The following CROT variants were observed in gnomAD, a reference collection of about 807,000 sequenced individuals.
CROT encodes carnitine O-octanoyltransferase, also known as peroxisomal carnitine O-octanoyltransferase.
CROT carries 84 observed loss-of-function variants against 89.2 expected under a neutral mutation model. The observed-to-expected ratio is 0.94, with a 90% CI of 0.79 to 1.13. The LOEUF is 1.13. Ranked by LOEUF, CROT falls within the 50% of genes most tolerant of loss-of-function variation. The pLI is 0.00. For synonymous variants in CROT, 212 were observed against 239.5 expected, an observed-to-expected ratio of 0.89 and a Z score of 1.06; for missense variants, 711 against 727.8, an observed-to-expected ratio of 0.98 and a Z score of 0.27.
intron 13 of CROT, 31 bp from the exon 14 acceptor site, chr7:87,391,558 T>C: frequency 1.3e-6 from 2 of 1,575,320 alleles, no homozygotes; most frequent in Non-Finnish European, 1.7e-6. Flanking sequence ...TTTTCTTTCT[T>C]ATGATACACT....
chr7:87,379,972 A>G (rs1211866392), intron 10 of CROT, among the ~76,000 whole-genome samples: 1 of 152,122 alleles, frequency 6.6e-6, no homozygotes. Flanking sequence ...TTAGTTGGGC[A>G]TGGTAATGCA....
intron 3 of CROT, among the ~76,000 whole-genome samples, chr7:87,352,543 C>T (rs1347174964): frequency 3.3e-5 from 5 of 152,182 alleles, no homozygotes; most frequent in Admixed American, 6.5e-5. Flanking sequence ...TTAATCTTGA[C>T]TTGTAGCAAT....
intron 17 of CROT, among the ~76,000 whole-genome samples, chr7:87,397,164 C>T (rs1195896265): frequency 6.6e-6 from 1 of 151,954 alleles, no homozygotes; most frequent in Non-Finnish European, 1.5e-5. Flanking sequence ...CCAGTCTGGC[C>T]AACATGGTGA....
intron 13 of CROT, among the ~76,000 whole-genome samples, chr7:87,384,159 T>G (rs1166788988): frequency 6.6e-6 from 1 of 152,188 alleles, no homozygotes; most frequent in Admixed American, 6.5e-5. Flanking sequence ...TTAATTTGCA[T>G]TTCCCGATGA....
At chr7:87,385,656 GA>G (rs1172707701) in intron 13 of CROT, among the ~76,000 whole-genome samples, 2 of 152,074 alleles carry the variant, frequency 1.3e-5, no homozygotes, top group East Asian at 3.9e-4. Flanking sequence ...TTTGCAATTT[GA>G]GTGCTCTTTA....
At chr7:87,350,286 C>T (rs1805826207) in intron 3 of CROT, among the ~76,000 whole-genome samples, 1 of 152,042 alleles carries the variant, frequency 6.6e-6, no homozygotes, top group Non-Finnish European at 1.5e-5. Context: ...GACACAAGTT[C>T]CTCCCTTGGC....
At chr7:87,361,981 A>G (rs1239409038) in intron 6 of CROT, 129 bp downstream of exon 6, 2 of 792,410 alleles carry the variant, frequency 2.5e-6, no homozygotes, top group Non-Finnish European at 3.8e-6. Flanking sequence ...GTTTTCTGTG[A>G]GCCTTATATT....
At chr7:87,375,980 T>TTTA in intron 9 of CROT, 27 bp downstream of exon 9, 1 of 1,536,732 alleles carries the variant, frequency 6.5e-7, no homozygotes, top group Non-Finnish European at 8.7e-7. Context: ...TCTTTTTTTT[T>TTTA]TTATTGCAGA....
chr7:87,372,605 T>TA (rs982514109), intron 7 of CROT, among the ~76,000 whole-genome samples: 4 of 152,256 alleles, frequency 2.6e-5, no homozygotes, highest in East Asian at 3.9e-4. Context: ...GTTTTTGCCT[T>TA]AAAAAAACCC....
At chr7:87,388,122 T>G (rs537494015) in intron 13 of CROT, among the ~76,000 whole-genome samples, 1 of 152,184 alleles carries the variant, frequency 6.6e-6, no homozygotes, top group Admixed American at 6.5e-5. Flanking sequence ...GAGCCAAGAC[T>G]CCAAGGTACC....
chr7:87,368,292 C>G (rs1320836727), intron 6 of CROT, among the ~76,000 whole-genome samples: 1 of 152,188 alleles, frequency 6.6e-6, no homozygotes. Context: ...CCCTTTCCAA[C>G]CATTTATTGA....
intron 3 of CROT, among the ~76,000 whole-genome samples, chr7:87,351,208 C>T (rs1805856267): frequency 6.7e-6 from 1 of 149,908 alleles, no homozygotes; most frequent in Non-Finnish European, 1.5e-5. Context: ...ACTCAGGAGC[C>T]TGAGACAGGA....
At chr7:87,377,540 A>T in intron 10 of CROT, 90 bp downstream of exon 10, 1 of 728,770 alleles carries the variant, frequency 1.4e-6, no homozygotes, top group Non-Finnish European at 2.3e-6. Flanking sequence ...GGAACAGTGT[A>T]AGTGAATAGT....
In CROT at chr7:87,398,689, T is replaced by A. The variant is rs767368205; in HGVS notation, c.*45T>A. 19 of 1,586,482 alleles carry A rather than the reference T, an allele frequency of 1.2e-5. No individual in the cohort carries two copies. Among genetic ancestry groups the A allele is most frequent in the Non-Finnish European group, 1.6e-5 (19 of 1,164,408 alleles). On this transcript the variant is annotated 3_prime_UTR_variant, in exon 18 of 18. Coordinates refer to ENST00000331536, the MANE Select transcript of CROT (RefSeq NM_021151.4). ...CACTTACCAAAACATATCATTAAAC[T>A]GAGTGCTGGGAGTGAGTTGGTAATA...
intron 6 of CROT, 79 bp from the exon 7 acceptor site, chr7:87,369,297 T>C: frequency 1.2e-6 from 1 of 853,342 alleles, no homozygotes; most frequent in Non-Finnish European, 1.9e-6. Context: ...AATGCCTACT[T>C]TTCTTCTATT....
At position 87,382,456 on chromosome 7, in the gene CROT, G is replaced by C. The variant is rs550173790; in HGVS notation, c.1214G>C (p.Gly405Ala). The C allele has an allele frequency of 7.4e-5, 120 of 1,613,704 alleles. 1 individual carries two copies. The South Asian group carries it at 9.0e-4, about 12-fold the overall frequency. Reference protein sequence around the residue: ...QIAAYAFTSFGKKLTKNKMLH... With the variant: ...QIAAYAFTSFAKKLTKNKMLH... Reference sequence around the variant, plus strand: ...GCGGCTTATGCCTTTACATCTTTTGGCAAAAAGCTAACCAAGAACAAGATG... The same window carrying C: ...GCGGCTTATGCCTTTACATCTTTTGCCAAAAAGCTAACCAAGAACAAGATG... Residue 405 changes from glycine (G) to alanine (A), a missense_variant, in exon 13 of 18, where the codon GGC becomes GCC. Gly to Ala is a moderately conservative substitution (Grantham distance 60). Coordinates refer to ENST00000331536, the MANE Select transcript of CROT (RefSeq NM_021151.4).
In CROT at chr7:87,359,348, T is replaced by G. The variant is rs780652599; in HGVS notation, c.240+18T>G. 1 of 1,578,790 alleles carries G rather than the reference T, an allele frequency of 6.3e-7. No homozygotes were observed. Among genetic ancestry groups the G allele is most frequent in the East Asian group, 2.3e-5 (1 of 44,430 alleles). Reference sequence around the variant, plus strand: ...GAAATTGGGTATTTGTTGTTATAATTGAATAATGATGATGTTTAAAGAATG... The same window carrying G: ...GAAATTGGGTATTTGTTGTTATAATGGAATAATGATGATGTTTAAAGAATG... On this transcript the variant is annotated intron_variant, in intron 4 of 17. Coordinates refer to ENST00000331536, the MANE Select transcript of CROT (RefSeq NM_021151.4).
intron 17 of CROT, 42 bp from the exon 18 acceptor site, chr7:87,398,482 G>A: frequency 6.2e-7 from 1 of 1,609,416 alleles, no homozygotes; most frequent in Non-Finnish European, 8.5e-7. Context: ...TCACTATTTG[G>A]AGCCTTTTGT....
At chr7:87,358,468 C>A (rs571146517) in intron 3 of CROT, among the ~76,000 whole-genome samples, 7 of 112,290 alleles carry the variant, frequency 6.2e-5, no homozygotes, top group Non-Finnish European at 1.2e-4. Context: ...GGCGACAGAG[C>A]GAGACTCCAT....
Sources: gnomAD v4.1 joint callset for allele counts (sites outside exome capture counted in the v4.1 genomes callset) on GRCh38, gnomAD v4.1.1 for gene constraint, MANE v1.5 for transcripts, NCBI Gene and HGNC (gene_info 2026-07-23, HGNC 2026-07-21) for gene names.